Variants in CBLB observed in about 807,000 individuals in gnomAD.
CBLB encodes Cbl proto-oncogene B, also known as E3 ubiquitin-protein ligase CBL-B.
In CBLB, 31 loss-of-function variants were observed where a neutral mutation model predicts 104.9. That is an observed-to-expected ratio of 0.30 (90% CI 0.22 to 0.40). The LOEUF (loss-of-function observed/expected upper bound fraction) is 0.40. Among genes scored for constraint, CBLB ranks in the 10% least tolerant of loss-of-function variants. CBLB has a pLI of 1.00. For synonymous variants in CBLB, 440 were observed against 422.6 expected (o/e 1.04, Z -0.51); for missense variants, 1,062 against 1,214.6 (o/e 0.87, Z 1.87).
In CBLB at chr3:105,675,777, T is replaced by C. The variant is rs12635466; in HGVS notation, c.2569+2654A>G. On this transcript the variant is annotated intron_variant, in intron 17 of 18. Coordinates refer to ENST00000394030, the MANE Select transcript of CBLB (RefSeq NM_170662.5). ...GTGCACACCTGTAATCCCAGCTACTTAGGGGGTAGAGGCAGGAGAATCACT... is the reference window on the plus strand; with the variant it reads ...GTGCACACCTGTAATCCCAGCTACTCAGGGGGTAGAGGCAGGAGAATCACT... Among the ~76,000 whole-genome samples the C allele has an allele frequency of 2.2e-4, 32 of 148,406 alleles. No homozygotes were observed. In the East Asian group the frequency reaches 6.0e-3, roughly 28 times the overall value.
intron 5 of CBLB, 45 bp downstream of exon 5, chr3:105,751,417 G>A (rs1357200477): frequency 7.3e-7 from 1 of 1,364,486 alleles, no homozygotes; most frequent in African/African-American, 1.4e-5. Flanking sequence ...AAAAGACAGG[G>A]AGAGAGAAGA....
At chr3:105,802,335 A>C (rs771534384) in intron 3 of CBLB, among the ~76,000 whole-genome samples, 9 of 152,238 alleles carry the variant, frequency 5.9e-5, no homozygotes, top group Non-Finnish European at 1.3e-4. Flanking sequence ...GCCTTATGCA[A>C]AATCGCTCAC....
chr3:105,769,787 C>T (rs1027157056), intron 4 of CBLB, among the ~76,000 whole-genome samples: 1 of 152,110 alleles, frequency 6.6e-6, no homozygotes, highest in African/African-American at 2.4e-5. Context: ...TAGACTTTAA[C>T]CTAGAATTAA....
intron 5 of CBLB, among the ~76,000 whole-genome samples, chr3:105,747,257 A>C (rs922528530): frequency 6.6e-6 from 1 of 151,858 alleles, no homozygotes; most frequent in African/African-American, 2.4e-5. Flanking sequence ...AATCTTCTAC[A>C]TAAAAGAAAA....
intron 3 of CBLB, among the ~76,000 whole-genome samples, chr3:105,792,420 A>T (rs1396643895): frequency 1.3e-5 from 2 of 152,158 alleles, no homozygotes; most frequent in Non-Finnish European, 2.9e-5. Flanking sequence ...CTTCTCTCTC[A>T]GGTCAGACCT....
chr3:105,867,719 G>T, intron 1 of CBLB, 128 bp from the exon 2 acceptor site: 1 of 755,420 alleles, frequency 1.3e-6, no homozygotes, highest in Non-Finnish European at 2.2e-6. Context: ...AAAAGTTCCG[G>T]ATTCATCTTT....
At chr3:105,758,996 G>A (rs2077347884) in intron 4 of CBLB, among the ~76,000 whole-genome samples, 1 of 152,214 alleles carries the variant, frequency 6.6e-6, no homozygotes, top group Non-Finnish European at 1.5e-5. Context: ...TTGTGTTACT[G>A]TTTTTTCAGT....
intron 13 of CBLB, among the ~76,000 whole-genome samples, chr3:105,688,362 T>A (rs2067261931): frequency 6.6e-6 from 1 of 152,008 alleles, no homozygotes; most frequent in South Asian, 2.1e-4. Context: ...AACCTGGACA[T>A]TTTATTAAAT....
At chr3:105,780,670 T>TTTTTTG (rs2080136750) in intron 3 of CBLB, among the ~76,000 whole-genome samples, 2 of 135,176 alleles carry the variant, frequency 1.5e-5, no homozygotes, top group African/African-American at 5.5e-5. Flanking sequence ...GTTTTTTTTT[T>TTTTTTG]TTTTTTTTTT....
intron 3 of CBLB, among the ~76,000 whole-genome samples, chr3:105,851,071 C>G (rs2090884313): frequency 6.6e-6 from 1 of 152,078 alleles, no homozygotes; most frequent in South Asian, 2.1e-4. Flanking sequence ...ACATGAATAC[C>G]TACACACAAA....
chr3:105,846,477 A>C (rs1210134271), intron 3 of CBLB, among the ~76,000 whole-genome samples: 4 of 152,144 alleles, frequency 2.6e-5, no homozygotes, highest in Non-Finnish European at 5.9e-5. Flanking sequence ...AACTACTACT[A>C]AAGTTGAAAT....
chr3:105,728,447 G>A (rs1360806319), intron 9 of CBLB, among the ~76,000 whole-genome samples: 1 of 152,070 alleles, frequency 6.6e-6, no homozygotes, highest in Non-Finnish European at 1.5e-5. Context: ...CAAATCAAAA[G>A]CCATTTTCTA....
chr3:105,702,476 G>GGAAA lies in CBLB; in HGVS notation c.1594-18_1594-17insTTTC. 2 of 277,062 alleles carry GGAAA rather than the reference G, an allele frequency of 7.2e-6. No homozygotes were observed. Among genetic ancestry groups the GGAAA allele is most frequent in the Non-Finnish European group, 1.0e-5 (2 of 190,576 alleles). 17.2% of individuals were successfully genotyped at this position (277,062 alleles called of 1,614,324 possible). Reference sequence around the variant, plus strand: ...AGGAGAAGACTAAAGAAACAGAAGAGAAAAAAAAAAAAAAAAAAAAAAACT... The same window carrying GGAAA: ...AGGAGAAGACTAAAGAAACAGAAGAGGAAAAAAAAAAAAAAAAAAAAAAAAAACT... On this transcript the variant is annotated splice_polypyrimidine_tract_variant and intron_variant, in intron 11 of 18. Transcript: ENST00000394030.
At chr3:105,745,850 G>A in intron 6 of CBLB, 67 bp downstream of exon 6, 1 of 1,483,726 alleles carries the variant, frequency 6.7e-7, no homozygotes. Context: ...GACTTACTTA[G>A]GAACAAACCA....
At chr3:105,762,063 T>A (rs1228611469) in intron 4 of CBLB, 1 of 152,364 alleles carries the variant, frequency 6.6e-6, no homozygotes, top group African/African-American at 2.4e-5. Context: ...AGAGAGATAA[T>A]TTAGGGCATC....
chr3:105,733,843 T>G (rs1189148717), intron 9 of CBLB, among the ~76,000 whole-genome samples, 166 bp downstream of exon 9: 1 of 152,186 alleles, frequency 6.6e-6, no homozygotes, highest in Non-Finnish European at 1.5e-5. Context: ...AAATATAAGA[T>G]AGTTAAAAAT....
At chr3:105,788,634 C>T (rs2081295715) in intron 3 of CBLB, among the ~76,000 whole-genome samples, 1 of 152,146 alleles carries the variant, frequency 6.6e-6, no homozygotes, top group Non-Finnish European at 1.5e-5. Flanking sequence ...ATCCCTAAAA[C>T]ATACATTGTA....
chr3:105,720,467 T>A (rs2305034), intron 9 of CBLB, among the ~76,000 whole-genome samples: 44,497 of 151,902 alleles, frequency 0.29, 6,986 homozygotes, highest in Admixed American at 0.42. Context: ...GAAGGAAAAA[T>A]AAAGTTTTAA....
chr3:105,842,398 T>C (rs1011414930), intron 3 of CBLB, among the ~76,000 whole-genome samples: 18 of 152,326 alleles, frequency 1.2e-4, no homozygotes, highest in Middle Eastern at 3.4e-3. Flanking sequence ...AGTTATACCA[T>C]GTTTAAATGA....
Sources: gnomAD v4.1 joint callset for allele counts (sites outside exome capture counted in the v4.1 genomes callset) on GRCh38, gnomAD v4.1.1 for gene constraint, MANE v1.5 for transcripts, NCBI Gene and HGNC (gene_info 2026-07-23, HGNC 2026-07-21) for gene names.